Variants in RAPGEF2 observed in about 807,000 individuals in gnomAD.
The protein encoded by RAPGEF2 is Rap guanine nucleotide exchange factor 2.
In RAPGEF2, 54 loss-of-function variants were observed where a neutral mutation model predicts 186.7. That is an observed-to-expected ratio of 0.29 (90% CI 0.23 to 0.36). RAPGEF2 has a LOEUF of 0.36. Among genes scored for constraint, RAPGEF2 ranks in the 10% least tolerant of loss-of-function variants. The pLI, the probability that RAPGEF2 is intolerant of heterozygous loss-of-function variation, is 1.00. For missense variants in RAPGEF2, 1,532 were observed against 2,045.0 expected (o/e 0.75, Z 4.84); for synonymous variants, 712 against 705.9 (o/e 1.01, Z -0.14).
chr4:159,138,879 A>G (rs1742017955), intron 1 of RAPGEF2, among the ~76,000 whole-genome samples: 1 of 152,214 alleles, frequency 6.6e-6, no homozygotes, highest in Non-Finnish European at 1.5e-5. Flanking sequence ...ATAGGCACTG[A>G]AAGGATACCC....
At chr4:159,342,657 C>G (rs909492810) in intron 20 of RAPGEF2, among the ~76,000 whole-genome samples, 4 of 142,908 alleles carry the variant, frequency 2.8e-5, no homozygotes, top group African/African-American at 5.3e-5. Flanking sequence ...ATCAAATGGC[C>G]GCTATGGGCT....
At chr4:159,261,634 A>T (rs1052098839) in intron 7 of RAPGEF2, among the ~76,000 whole-genome samples, 2 of 152,146 alleles carry the variant, frequency 1.3e-5, no homozygotes, top group African/African-American at 4.8e-5. Flanking sequence ...GCTTTCCTAA[A>T]CCAGTTACTG....
At chr4:159,241,407 T>C in intron 6 of RAPGEF2, 39 bp downstream of exon 6, 1 of 1,248,190 alleles carries the variant, frequency 8.0e-7, no homozygotes, top group East Asian at 2.9e-5. Context: ...TTATTTCTAG[T>C]TTTTTGTTGG....
chr4:159,189,808 CTG>C (rs1747931121), intron 2 of RAPGEF2, among the ~76,000 whole-genome samples: 1 of 152,192 alleles, frequency 6.6e-6, no homozygotes, highest in Non-Finnish European at 1.5e-5. Flanking sequence ...TCTGATAGCA[CTG>C]TTTAAATTTA....
chr4:159,166,904 C>A (rs1308795160), intron 1 of RAPGEF2, among the ~76,000 whole-genome samples: 1 of 151,984 alleles, frequency 6.6e-6, no homozygotes, highest in Non-Finnish European at 1.5e-5. Context: ...CTGGAATAGA[C>A]CTCAGATGCT....
At chr4:159,306,945 CTG>C (rs1281138047) in intron 8 of RAPGEF2, among the ~76,000 whole-genome samples, 1 of 151,722 alleles carries the variant, frequency 6.6e-6, no homozygotes, top group Non-Finnish European at 1.5e-5. Flanking sequence ...GGATTCAAAA[CTG>C]TTTTTAAAAT....
At chr4:159,136,255 AAATT>A (rs1237437308) in intron 1 of RAPGEF2, among the ~76,000 whole-genome samples, 1 of 152,218 alleles carries the variant, frequency 6.6e-6, no homozygotes, top group Non-Finnish European at 1.5e-5. Context: ...ACAGTTCTCC[AAATT>A]AATTGTATTA....
chr4:159,202,188 C>G (rs974702068), intron 3 of RAPGEF2, among the ~76,000 whole-genome samples: 2 of 152,116 alleles, frequency 1.3e-5, no homozygotes, highest in African/African-American at 4.8e-5. Flanking sequence ...TTTTAATGAC[C>G]TTGTTAATGC....
intron 7 of RAPGEF2, among the ~76,000 whole-genome samples, chr4:159,288,355 C>G (rs746708572): frequency 3.3e-5 from 5 of 152,180 alleles, no homozygotes; most frequent in Non-Finnish European, 5.9e-5. Flanking sequence ...CTTTATGGTG[C>G]TTCCAGCATA....
intron 1 of RAPGEF2, among the ~76,000 whole-genome samples, chr4:159,132,887 T>G (rs978080316): frequency 7.3e-5 from 11 of 151,344 alleles, no homozygotes; most frequent in Non-Finnish European, 1.0e-4. Flanking sequence ...ACTTAGTTTT[T>G]TTTTTTTTGC....
At position 159,200,494 on chromosome 4, in the gene RAPGEF2, G is replaced by GA. The variant is rs571439218; in HGVS notation, c.197+7245dup. Among the ~76,000 whole-genome samples the GA allele has an allele frequency of 1.4e-3, 211 of 151,778 alleles. 1 individual carries two copies. Among genetic ancestry groups the GA allele is most frequent in the South Asian group, 3.5e-3 (17 of 4,812 alleles). On this transcript the variant is annotated intron_variant, in intron 3 of 29. Coordinates refer to ENST00000691494, the MANE Select transcript of RAPGEF2 (RefSeq NM_001394067.2). ...AACAATAATAAAAATAATAAATAAT[G>GA]AAAAAAATGATAACATTAATGAGCC...
chr4:159,141,313 T>A (rs1407139580), intron 1 of RAPGEF2, among the ~76,000 whole-genome samples: 3 of 152,200 alleles, frequency 2.0e-5, no homozygotes, highest in Non-Finnish European at 4.4e-5. Context: ...ATACACATAG[T>A]TCTTGCCTTT....
intron 4 of RAPGEF2, among the ~76,000 whole-genome samples, chr4:159,232,784 TTTTC>T (rs1200694940): frequency 1.3e-5 from 2 of 152,324 alleles, no homozygotes; most frequent in East Asian, 1.9e-4. Context: ...ACATTATTTT[TTTTC>T]TTTCTTTTTG....
intron 7 of RAPGEF2, among the ~76,000 whole-genome samples, chr4:159,285,817 A>G (rs1395356151): frequency 1.3e-5 from 2 of 152,136 alleles, no homozygotes; most frequent in African/African-American, 2.4e-5. Context: ...CTTGATCATC[A>G]TTGTTGTACT....
chr4:159,151,024 T>C (rs1187739257), intron 1 of RAPGEF2, among the ~76,000 whole-genome samples: 1 of 152,238 alleles, frequency 6.6e-6, no homozygotes, highest in African/African-American at 2.4e-5. Context: ...AGGGCTTGGC[T>C]ATAGAAATTT....
At chr4:159,192,605 T>G (rs1748231553) in intron 2 of RAPGEF2, among the ~76,000 whole-genome samples, 1 of 152,222 alleles carries the variant, frequency 6.6e-6, no homozygotes, top group South Asian at 2.1e-4. Context: ...TATTTAAAAA[T>G]TATTCATGTT....
intron 1 of RAPGEF2, among the ~76,000 whole-genome samples, chr4:159,183,434 A>G (rs1295373734): frequency 3.3e-5 from 5 of 152,228 alleles, no homozygotes; most frequent in Admixed American, 1.3e-4. Context: ...ACAGACCTCA[A>G]TGTAAGAGCT....
At chr4:159,212,601 A>G (rs1267939633) in intron 4 of RAPGEF2, among the ~76,000 whole-genome samples, 1 of 152,160 alleles carries the variant, frequency 6.6e-6, no homozygotes, top group Admixed American at 6.6e-5. Flanking sequence ...TTCAAAAAAG[A>G]TTTACTCTTT....
intron 1 of RAPGEF2, among the ~76,000 whole-genome samples, chr4:159,175,106 A>G (rs1474880260): frequency 6.6e-6 from 1 of 152,184 alleles, no homozygotes; most frequent in Non-Finnish European, 1.5e-5. Flanking sequence ...CTGAAGAAAT[A>G]TACGAGGGCC....
Sources: allele counts gnomAD v4.1 joint callset (sites outside exome capture counted in the v4.1 genomes callset), GRCh38; gene constraint gnomAD v4.1.1; transcripts MANE v1.5; gene names NCBI Gene and HGNC (gene_info 2026-07-23, HGNC 2026-07-21).